The following CFAP43 variants were observed in gnomAD, a reference collection of about 807,000 sequenced individuals.
The protein encoded by CFAP43 is cilia- and flagella-associated protein 43.
Under a neutral mutation model 218.9 loss-of-function variants are expected in CFAP43, and 155 were observed. That is an observed-to-expected ratio of 0.71 (90% CI 0.62 to 0.81). The LOEUF (loss-of-function observed/expected upper bound fraction) is 0.81, where lower values mean the gene tolerates loss of function less well. Ranked by LOEUF, CFAP43 falls within the 30% of genes least tolerant of loss-of-function variation. The pLI is 0.00. For synonymous variants in CFAP43, 645 were observed against 681.3 expected (o/e 0.95, Z 0.83); for missense variants, 1,778 against 1,954.3 (o/e 0.91, Z 1.70).
intron 29 of CFAP43, among the ~76,000 whole-genome samples, chr10:104,146,800 TG>T (rs2087997533): frequency 6.6e-6 from 1 of 152,184 alleles, no homozygotes; most frequent in Non-Finnish European, 1.5e-5. Context: ...TTTCAGGGCT[TG>T]ATCATTACCA....
In CFAP43 at chr10:104,213,637, G is replaced by A. The variant is rs189264453; in HGVS notation, c.584+622C>T. On this transcript the variant is annotated intron_variant, in intron 4 of 37. Transcript: ENST00000357060. ...TGCAACCTCCACCTCTTGGGTTCAAGTGATTCTCCTGTCTCAGCCTCCCGA... is the reference window on the plus strand; with the variant it reads ...TGCAACCTCCACCTCTTGGGTTCAAATGATTCTCCTGTCTCAGCCTCCCGA... Among the ~76,000 whole-genome samples, 298 of 152,212 alleles carry A rather than the reference G, an allele frequency of 2.0e-3. 1 individual carries two copies. Among genetic ancestry groups the A allele is most frequent in the Middle Eastern group, 6.8e-3 (2 of 294 alleles).
At chr10:104,139,047 A>C (rs575413214) in intron 34 of CFAP43, among the ~76,000 whole-genome samples, 1 of 152,076 alleles carries the variant, frequency 6.6e-6, no homozygotes. Context: ...CTGTCTGTCT[A>C]TCTATCTATC....
intron 14 of CFAP43, 62 bp downstream of exon 14, chr10:104,187,258 C>G: frequency 1.4e-6 from 2 of 1,384,250 alleles, no homozygotes; most frequent in Admixed American, 5.2e-5. Flanking sequence ...CACATCTAAT[C>G]AGTATAATGT....
At chr10:104,209,094 G>T (rs941003634) in intron 5 of CFAP43, among the ~76,000 whole-genome samples, 1 of 152,182 alleles carries the variant, frequency 6.6e-6, no homozygotes, top group East Asian at 1.9e-4. Flanking sequence ...AGTCATTATT[G>T]ATTCCCTTGC....
intron 10 of CFAP43, 151 bp downstream of exon 10, chr10:104,196,702 A>G (rs2090390227): frequency 3.4e-6 from 2 of 595,534 alleles, no homozygotes. Context: ...CATATACTTT[A>G]CACACAAGGA....
intron 28 of CFAP43, among the ~76,000 whole-genome samples, chr10:104,148,475 C>A (rs1434475424): frequency 1.3e-5 from 2 of 152,132 alleles, no homozygotes; most frequent in African/African-American, 4.8e-5. Context: ...GAAACGTGAT[C>A]CCTGGTGCTG....
intron 15 of CFAP43, 105 bp downstream of exon 15, chr10:104,185,869 G>T: frequency 1.1e-6 from 1 of 909,638 alleles, no homozygotes; most frequent in South Asian, 2.0e-5. Flanking sequence ...TATCTTTTCA[G>T]AGTTTTTATG....
chr10:104,132,275 G>C, intron 35 of CFAP43, 79 bp from the exon 36 acceptor site: 1 of 1,058,856 alleles, frequency 9.4e-7, no homozygotes, highest in Non-Finnish European at 1.4e-6. Flanking sequence ...TTTTAGCTTT[G>C]AAAGTTACTG....
Position 104,139,788 on chromosome 10 carries a change from T to G in CFAP43, c.4431+1054A>C, listed in dbSNP as rs183541960. Among the ~76,000 whole-genome samples, 14 of 152,286 alleles carry G rather than the reference T, an allele frequency of 9.2e-5. No homozygotes were observed. The East Asian group carries it at 2.5e-3, about 27-fold the overall frequency. On this transcript the variant is annotated intron_variant, in intron 34 of 37. Transcript: ENST00000357060. ...AAGATGGAAATTTGGATCTACACAA[T>G]GAAATAAAGATCTTTTGAAATAGTG...
chr10:104,209,896 T>C lies in CFAP43; in HGVS notation c.736-2072A>G, dbSNP rs371354774. On this transcript the variant is annotated intron_variant, in intron 5 of 37. Coordinates refer to ENST00000357060, the MANE Select transcript of CFAP43 (RefSeq NM_025145.7). The stretch of plus-strand genomic sequence containing the variant: ...AGGACCCCCCACTGATACCAAAATC[T>C]GTGGATGCTCCAGTTCCTTACATAA... Among the ~76,000 whole-genome samples the C allele has an allele frequency of 2.9e-4, 44 of 152,338 alleles. No homozygotes were observed. In the East Asian group the frequency reaches 8.3e-3, roughly 29 times the overall value.
chr10:104,132,206 TAA>T lies in CFAP43; in HGVS notation c.4597-12_4597-11del. On this transcript the variant is annotated splice_polypyrimidine_tract_variant and intron_variant, in intron 35 of 37. Coordinates refer to ENST00000357060, the MANE Select transcript of CFAP43 (RefSeq NM_025145.7). ...TTGGTTCATTTAGGTACTTTGAGAT[TAA>T]AAAAAAACATGTAAGGATATTTTTC... The T allele has an allele frequency of 6.5e-7, 1 of 1,540,172 alleles. No homozygotes were observed. Among genetic ancestry groups the T allele is most frequent in the South Asian group, 1.2e-5 (1 of 81,652 alleles).
In CFAP43 at chr10:104,166,600, T is replaced by C. The variant is rs2089167303; in HGVS notation, c.2927A>G (p.Asn976Ser). 6.2e-7 allele frequency: 1 copy of C among 1,614,156 alleles called. No individual in the cohort carries two copies. The highest frequency in any genetic ancestry group is 8.5e-7 in the Non-Finnish European group (1 of 1,180,018). Residue 976 changes from asparagine to serine, a missense_variant, in exon 23 of 38, where the codon AAT becomes AGT. Asn to Ser is a conservative substitution (Grantham distance 46). Transcript: ENST00000357060. ...AGTACTCAGACTACCAAGCAGGTAA[T>C]TGGGCAAATTGCTATATTTTACTGT... is the stretch of plus-strand genomic sequence containing the variant. ...DKTVKYSNLP[N>S]YLLGSLSTDF...
At position 104,162,046 on chromosome 10, in the gene CFAP43, G is replaced by A. The variant is rs758475063; in HGVS notation, c.3334-5C>T. ...TCGGAGTCTTGTACTGGCATCCTGG[G>A]AAAGAGCCAGAATCAGAGAGGAATA... is the stretch of plus-strand genomic sequence containing the variant. On this transcript the variant is annotated splice_region_variant and splice_polypyrimidine_tract_variant and intron_variant, in intron 25 of 37. Transcript: ENST00000357060. 7 of 1,611,730 alleles carry A rather than the reference G, an allele frequency of 4.3e-6. No individual in the cohort carries two copies. Among genetic ancestry groups the A allele is most frequent in the Non-Finnish European group, 5.9e-6 (7 of 1,179,374 alleles).
At position 104,168,767 on chromosome 10, in the gene CFAP43, C is replaced by G. The variant is rs2089286732; in HGVS notation, c.2668G>C (p.Ala890Pro). The change falls in exon 21 of 38, where the codon GCT becomes CCT. Residue 890 changes from alanine to proline, a missense_variant. By Grantham distance (27) the Ala-to-Pro change is conservative. This residue lies in a region of CFAP43 where 1,553 missense variants were observed against 1,685.2 expected (regional missense o/e 0.92). Coordinates refer to ENST00000357060, the MANE Select transcript of CFAP43 (RefSeq NM_025145.7). ...LIKEECWNSM[A>P]VKGRALKCFH... ...ACCTTAAGAGCTCGACCTTTCACAG[C>G]CATCGAATTCCAACATTCTTCTTTG... The G allele has an allele frequency of 3.1e-6, 5 of 1,614,116 alleles. No individual in the cohort carries two copies. The highest frequency in any genetic ancestry group is 4.2e-6 in the Non-Finnish European group (5 of 1,179,992).
In CFAP43 at chr10:104,193,970, C is replaced by T; in HGVS notation, c.1338G>A (p.Val446=). The part of the protein sequence containing the change: ...ACCPSSLSAA[V]GTEDGSVYFI... Reference sequence around the variant, plus strand: ...AGTAGACCGAGCCATCCTCCGTGCCCACGGCTGCAGAGAGGGAGGATGGAC... The same window carrying T: ...AGTAGACCGAGCCATCCTCCGTGCCTACGGCTGCAGAGAGGGAGGATGGAC... Residue 446 remains valine (V), a synonymous_variant, in exon 11 of 38, where the codon GTG becomes GTA. Coordinates refer to ENST00000357060, the MANE Select transcript of CFAP43 (RefSeq NM_025145.7). 6.2e-7 allele frequency: 1 copy of T among 1,614,008 alleles called. No individual in the cohort carries two copies. Among genetic ancestry groups the T allele is most frequent in the Non-Finnish European group, 8.5e-7 (1 of 1,180,014 alleles).
At position 104,133,601 on chromosome 10, in the gene CFAP43, G is replaced by T; in HGVS notation, c.4596+19C>A. The T allele has an allele frequency of 6.2e-7, 1 of 1,603,670 alleles. No individual in the cohort carries two copies. Among genetic ancestry groups the T allele is most frequent in the South Asian group, 1.1e-5 (1 of 89,010 alleles). On this transcript the variant is annotated intron_variant, in intron 35 of 37. Coordinates refer to ENST00000357060, the MANE Select transcript of CFAP43 (RefSeq NM_025145.7). ...AATGAATAAAATTAAAACTATGTAG[G>T]GGGGTAGGGAGAATTTACCTTTTGA...
intron 21 of CFAP43, 72 bp from the exon 22 acceptor site, chr10:104,167,809 G>A: frequency 2.7e-6 from 3 of 1,113,898 alleles, no homozygotes; most frequent in South Asian, 1.6e-5. Flanking sequence ...GTTGAGTAGG[G>A]GATGTTTTCT....
chr10:104,146,224 T>C (rs923080106), intron 30 of CFAP43, 39 bp downstream of exon 30: 2 of 1,511,972 alleles, frequency 1.3e-6, no homozygotes, highest in Non-Finnish European at 1.8e-6. Context: ...CAGCAACAAC[T>C]CTACTGCATT....
chr10:104,225,553 G>C lies in CFAP43; in HGVS notation c.324C>G (p.Asn108Lys). ...GLTRRTKLKG[N>K]ILLDYTLLSF... ...AAAGTAAAGTGTAGTCCAGGAGAAT[G>C]TTGCCTAAAATATAAAATCCATTAT... The change falls in exon 3 of 38, where the codon AAC becomes AAG. Residue 108 changes from asparagine to lysine, a missense_variant. This residue lies in a region of CFAP43 where 1,553 missense variants were observed against 1,685.2 expected (regional missense o/e 0.92). Coordinates refer to ENST00000357060, the MANE Select transcript of CFAP43 (RefSeq NM_025145.7). The C allele has an allele frequency of 6.2e-7, 1 of 1,609,258 alleles. No individual in the cohort carries two copies. The highest frequency in any genetic ancestry group is 8.5e-7 in the Non-Finnish European group (1 of 1,177,566).
Sources: gnomAD v4.1 joint callset for allele counts (sites outside exome capture counted in the v4.1 genomes callset) on GRCh38, gnomAD v4.1.1 for gene constraint, gnomAD v4.1.1 regional missense constraint, MANE v1.5 for transcripts, NCBI Gene and HGNC (gene_info 2026-07-23, HGNC 2026-07-21) for gene names.